Variants in RBFOX3 observed in about 807,000 individuals in gnomAD.
RBFOX3 encodes the protein RNA binding fox-1 homolog 3, also known as RNA binding protein fox-1 homolog 3.
A neutral mutation model predicts 48.7 loss-of-function variants in RBFOX3; 17 were observed. That is an observed-to-expected ratio of 0.35 (90% CI 0.24 to 0.52). RBFOX3 has a LOEUF of 0.52. RBFOX3 is among the 20% of genes least tolerant of loss of function. RBFOX3 has a pLI of 0.94. For missense variants in RBFOX3, 382 were observed against 497.5 expected (o/e 0.77, Z 2.21); for synonymous variants, 212 against 209.5 (o/e 1.01, Z -0.10).
chr17:79,324,534 A>G (rs146742246), intron 2 of RBFOX3, among the ~76,000 whole-genome samples: 1,568 of 152,330 alleles, frequency 0.01, 14 homozygotes, highest in Middle Eastern at 0.017. Context: ...ACATCCTGGC[A>G]GTAGCCCCTC....
intron 1 of RBFOX3, chr17:79,603,897 G>A (rs1026099250): frequency 6.6e-6 from 1 of 152,270 alleles, no homozygotes; most frequent in African/African-American, 2.4e-5. Context: ...GTATGCTGCA[G>A]GCAACCCTGC....
rs1599380251 is a variant in RBFOX3, at chr17:79,094,483, C to T, written c.1045G>A (p.Gly349Arg). 4.2e-6 allele frequency: 6 copies of T among 1,442,042 alleles called. No individual in the cohort carries two copies. Among genetic ancestry groups the T allele is most frequent in the Admixed American group, 2.7e-5 (1 of 36,536 alleles). The allele number at this position is 1,442,042 out of a possible 1,614,324, so 89.3% of individuals were successfully genotyped here. ...CCAATGCTGTAGGTCGCCGCGGGCCCGATGGTGTGATGGTACGGGTCGGCA... is the reference window on the plus strand; with the variant it reads ...CCAATGCTGTAGGTCGCCGCGGGCCTGATGGTGTGATGGTACGGGTCGGCA... The part of the protein sequence containing the change: ...AAADPYHHTI[G>R]PAATYSIGTM The change falls in exon 14 of 15, where the codon GGG becomes AGG. Residue 349 changes from glycine (G) to arginine (R), a missense_variant. Around this residue, in one of 3 missense-constraint regions of RBFOX3, gnomAD observed 215 missense variants for 254.8 expected, o/e 0.84. Transcript: ENST00000693108.
In RBFOX3 at chr17:79,205,019, C is replaced by T. The variant is rs180877068; in HGVS notation, c.-34+30747G>A. ...AGAGCAGAGAACTCCTCAGTCATCA[C>T]AACGGGAAACTGCAGTACCATATCC... On this transcript the variant is annotated intron_variant, in intron 4 of 14. Transcript: ENST00000693108. The surrounding 1 kb of genome is among the most constrained non-coding windows in gnomAD (Gnocchi z 4.5). 8.5e-5 allele frequency among the ~76,000 whole-genome samples: 13 copies of T among 152,226 alleles called. No homozygotes were observed. Among genetic ancestry groups the T allele is most frequent in the African/African-American group, 2.9e-4 (12 of 41,520 alleles).
intron 4 of RBFOX3, among the ~76,000 whole-genome samples, chr17:79,192,706 C>G (rs1263909770): frequency 6.6e-6 from 1 of 152,208 alleles, no homozygotes; most frequent in African/African-American, 2.4e-5. Context: ...CAGCCAGACC[C>G]TGGAGCCGCC....
chr17:79,519,386 C>T (rs2085729951), intron 1 of RBFOX3, among the ~76,000 whole-genome samples: 1 of 152,260 alleles, frequency 6.6e-6, no homozygotes. Flanking sequence ...CCTGGAATGG[C>T]CCCGGCTTTG....
At chr17:79,096,619 A>G (rs1328752041) in intron 12 of RBFOX3, 34 bp downstream of exon 12, 1 of 1,496,826 alleles carries the variant, frequency 6.7e-7, no homozygotes, top group South Asian at 1.2e-5. Context: ...AGAACGCCTG[A>G]TCCCACCCTC....
intron 4 of RBFOX3, among the ~76,000 whole-genome samples, chr17:79,128,209 GT>G (rs2037833138): frequency 6.6e-6 from 1 of 152,208 alleles, no homozygotes; most frequent in Non-Finnish European, 1.5e-5. Context: ...GAAACCTCCA[GT>G]TTCCTGAGTG....
chr17:79,458,473 G>A (rs932477352), intron 2 of RBFOX3, among the ~76,000 whole-genome samples: 82 of 101,702 alleles, frequency 8.1e-4, no homozygotes, highest in Non-Finnish European at 1.5e-3. Context: ...CTGTGTGTGC[G>A]TGTGCGTGAG....
rs1049556630 is a variant in RBFOX3, at chr17:79,527,840, G to A, written c.-319-45242C>T. The stretch of plus-strand genomic sequence containing the variant: ...CCTCTCAGTGAGAAACCAGCCAGGA[G>A]GGCCTCCTGGGGCAAAAGGGAAGGG... On this transcript the variant is annotated intron_variant, in intron 1 of 14. Coordinates refer to ENST00000693108, the MANE Select transcript of RBFOX3 (RefSeq NM_001350451.2). Among the ~76,000 whole-genome samples, 168 of 152,310 alleles carry A rather than the reference G, an allele frequency of 1.1e-3. 1 individual carries two copies. The highest frequency in any genetic ancestry group is 1.5e-3 in the Non-Finnish European group (101 of 68,024).
chr17:79,470,361 G>C (rs1555756303), intron 2 of RBFOX3, among the ~76,000 whole-genome samples: 1 of 152,200 alleles, frequency 6.6e-6, no homozygotes, highest in African/African-American at 2.4e-5. Flanking sequence ...AAATAAGACA[G>C]GCTGGCGGGT....
chr17:79,255,972 CG>C (rs2064776204), intron 3 of RBFOX3, among the ~76,000 whole-genome samples: 1 of 151,506 alleles, frequency 6.6e-6, no homozygotes, highest in South Asian at 2.1e-4. Context: ...CCAACTCCCT[CG>C]GGGGCTTCCA....
intron 4 of RBFOX3, among the ~76,000 whole-genome samples, chr17:79,193,434 A>G (rs547650265): frequency 3.3e-5 from 5 of 152,190 alleles, no homozygotes; most frequent in Admixed American, 2.6e-4. Flanking sequence ...AGGAAGCCCC[A>G]TACTCACCTC....
At chr17:79,412,616 A>G (rs979617385) in intron 2 of RBFOX3, among the ~76,000 whole-genome samples, 3 of 147,786 alleles carry the variant, frequency 2.0e-5, no homozygotes, top group African/African-American at 5.0e-5. Context: ...GCATGGTGTT[A>G]TGTGTGTGTG....
At chr17:79,605,020 G>A (rs2093794906) in intron 1 of RBFOX3, among the ~76,000 whole-genome samples, 1 of 152,288 alleles carries the variant, frequency 6.6e-6, no homozygotes, top group Admixed American at 6.5e-5. Flanking sequence ...GGTCTCACCT[G>A]GTGTCATAGA....
In RBFOX3 at chr17:79,238,475, G is replaced by A. The variant is rs535689740; in HGVS notation, c.-73-2670C>T. On this transcript the variant is annotated intron_variant, in intron 3 of 14. Coordinates refer to ENST00000693108, the MANE Select transcript of RBFOX3 (RefSeq NM_001350451.2). ...GATTCAGGGCTTCACCTCTCTTCCC[G>A]AACACCTCCGTGTCCCCTGTCCCTT... Among the ~76,000 whole-genome samples the A allele has an allele frequency of 2.2e-4, 34 of 152,260 alleles. 1 individual carries two copies. In the South Asian group the frequency reaches 4.4e-3, roughly 20 times the overall value.
chr17:79,271,488 G>A (rs2067690681), intron 3 of RBFOX3, among the ~76,000 whole-genome samples: 1 of 152,206 alleles, frequency 6.6e-6, no homozygotes, highest in Admixed American at 6.5e-5. Flanking sequence ...CTCATTAGCC[G>A]CTCTTTGCGC....
chr17:79,347,122 T>G (rs1476813375), intron 2 of RBFOX3, among the ~76,000 whole-genome samples: 2 of 152,244 alleles, frequency 1.3e-5, no homozygotes, highest in Non-Finnish European at 2.9e-5. Flanking sequence ...TGGCTGCATG[T>G]AAAAGTCTAT....
Position 79,501,258 on chromosome 17 carries a change from G to A in RBFOX3, c.-319-18660C>T, listed in dbSNP as rs978261375. The stretch of plus-strand genomic sequence containing the variant: ...ACGCTCCAGCCTGCTTGCAGGCTGC[G>A]GGGAAGACAGACAGGCCCATTCACT... On this transcript the variant is annotated intron_variant, in intron 1 of 14. Coordinates refer to ENST00000693108, the MANE Select transcript of RBFOX3 (RefSeq NM_001350451.2). Among the ~76,000 whole-genome samples, 158 of 152,290 alleles carry A rather than the reference G, an allele frequency of 1.0e-3. 1 individual carries two copies. The highest frequency in any genetic ancestry group is 3.4e-3 in the African/African-American group (143 of 41,528).
Position 79,423,221 on chromosome 17 carries a change from C to G in RBFOX3, c.-175+59233G>C, listed in dbSNP as rs1407134177. ...AACTCCTCACGTCCTGCGGTCTCCC[C>G]GTGGAAGCCCCATCTTTCCAGGTTC... On this transcript the variant is annotated intron_variant, in intron 2 of 14. Coordinates refer to ENST00000693108, the MANE Select transcript of RBFOX3 (RefSeq NM_001350451.2). The surrounding 1 kb of genome is among the most constrained non-coding windows in gnomAD (Gnocchi z 4.9). Among the ~76,000 whole-genome samples the G allele has an allele frequency of 2.6e-5, 4 of 152,202 alleles. No homozygotes were observed. Among genetic ancestry groups the G allele is most frequent in the Non-Finnish European group, 4.4e-5 (3 of 68,032 alleles).
Sources: gnomAD v4.1 joint callset for allele counts (sites outside exome capture counted in the v4.1 genomes callset) on GRCh38, gnomAD v4.1.1 for gene constraint, gnomAD v4.1.1 regional missense constraint, Gnocchi (gnomAD v3.1) non-coding constraint, MANE v1.5 for transcripts, NCBI Gene and HGNC (gene_info 2026-07-23, HGNC 2026-07-21) for gene names.